PACRGL: variants seen among roughly 807,000 people sequenced by gnomAD.
PACRGL encodes parkin coregulated like, also known as PACRG-like protein.
PACRGL carries 38 observed loss-of-function variants against 34.5 expected under a neutral mutation model. That is an observed-to-expected ratio of 1.10 (90% CI 0.85 to 1.44). The LOEUF is 1.44. Among genes scored for constraint, PACRGL ranks in the 40% most tolerant of loss-of-function variants. The pLI is 0.00. For synonymous variants in PACRGL, 128 were observed against 100.1 expected (o/e 1.28, Z -1.66); for missense variants, 305 against 281.4 (o/e 1.08, Z -0.60).
chr4:20,744,625 G>C (rs1751999083), intron 8 of PACRGL, among the ~76,000 whole-genome samples: 1 of 151,978 alleles, frequency 6.6e-6, no homozygotes, highest in Non-Finnish European at 1.5e-5. Context: ...TGAGGGGTCA[G>C]GGGGATGGGG....
intron 8 of PACRGL, among the ~76,000 whole-genome samples, chr4:20,752,064 T>TG (rs1753746847): frequency 7.0e-6 from 1 of 143,608 alleles, no homozygotes; most frequent in South Asian, 2.3e-4. Context: ...AGTTTTTTTT[T>TG]TTTTTTTTTT....
At chr4:20,716,288 A>C (rs141003893) in intron 7 of PACRGL, 1 of 610,018 alleles carries the variant, frequency 1.6e-6, no homozygotes, top group Non-Finnish European at 2.9e-6. Flanking sequence ...GAGACCAGTC[A>C]TGGAGTTTTC....
At chr4:20,737,492 G>A (rs1578440470), downstream of PACRGL, among the ~76,000 whole-genome samples, 1 of 152,054 alleles carries the variant, frequency 6.6e-6, no homozygotes, top group South Asian at 2.1e-4. Flanking sequence ...TCCAGAACAT[G>A]GGTAGATGGG....
rs561288802 is a variant in PACRGL at position 20,729,906 on chromosome 4, A to G, written c.*2565A>G. On this transcript the variant is annotated 3_prime_UTR_variant, in exon 9 of 9. Coordinates refer to ENST00000503585, the MANE Select transcript of PACRGL (RefSeq NM_001258345.3). ...TCAGTGGCATTATGAAAAGGATGCA[A>G]ATTTATAACTGAAAGCTCAAATCTT... The G allele has an allele frequency of 2.5e-5, 16 of 643,476 alleles. No homozygotes were observed. The highest frequency in any genetic ancestry group is 1.3e-4 in the East Asian group (4 of 31,150). 39.9% of individuals were successfully genotyped at this position (643,476 alleles called of 1,614,324 possible). A position where few individuals can be genotyped will look rare whatever the true frequency, so the allele number is the denominator to read the frequency against.
At position 20,732,119 on chromosome 4, in the gene PACRGL, T is replaced by C; in HGVS notation, c.*4778T>C. 1 of 1,268,070 alleles carries C rather than the reference T, an allele frequency of 7.9e-7. No individual in the cohort carries two copies. The highest frequency in any genetic ancestry group is 1.5e-5 in the African/African-American group (1 of 68,070). The allele number at this position is 1,268,070 out of a possible 1,614,324, so 78.6% of individuals were successfully genotyped here. A position where few individuals can be genotyped will look rare whatever the true frequency, so the allele number is the denominator to read the frequency against. On this transcript the variant is annotated 3_prime_UTR_variant, in exon 9 of 9. Transcript: ENST00000503585. Reference sequence around the variant, plus strand: ...TATTTAGACTTATCCCTTAATACCCTCACACCTGGACCAAATGAGCTGAAG... The same window carrying C: ...TATTTAGACTTATCCCTTAATACCCCCACACCTGGACCAAATGAGCTGAAG...
intron 7 of PACRGL, among the ~76,000 whole-genome samples, chr4:20,715,664 T>C (rs1031316428): frequency 4.6e-5 from 7 of 151,984 alleles, no homozygotes. Flanking sequence ...CTCAGGAGTT[T>C]GAGACCAGCC....
At chr4:20,713,081 C>G in intron 6 of PACRGL, 159 bp downstream of exon 6, 1 of 740,054 alleles carries the variant, frequency 1.4e-6, no homozygotes, top group Non-Finnish European at 2.0e-6. Flanking sequence ...GCAACTGTTA[C>G]TCAGGGCCAG....
At chr4:20,727,121 A>G (rs1282732271) in intron 8 of PACRGL, among the ~76,000 whole-genome samples, 164 bp from the exon 9 acceptor site, 9 of 152,204 alleles carry the variant, frequency 5.9e-5, no homozygotes, top group Non-Finnish European at 1.3e-4. Context: ...GAAACAGCCT[A>G]TATTTTATTT....
intron 8 of PACRGL, among the ~76,000 whole-genome samples, chr4:20,741,334 C>T (rs1419873591): frequency 6.6e-6 from 1 of 152,220 alleles, no homozygotes. Flanking sequence ...AAGCACTCCT[C>T]AGCAAATGTA....
chr4:20,758,967 ACTGT>A, the PACRGL span: 13 of 1,102,960 alleles, frequency 1.2e-5, no homozygotes, highest in East Asian at 2.4e-5. Flanking sequence ...TTGAAACAGA[ACTGT>A]CTACCATGCA....
At chr4:20,744,120 C>G (rs1212177417) in intron 8 of PACRGL, among the ~76,000 whole-genome samples, 1 of 152,048 alleles carries the variant, frequency 6.6e-6, no homozygotes, top group African/African-American at 2.4e-5. Flanking sequence ...ACAACAGATG[C>G]TGGAGAGGAT....
chr4:20,732,799 G>C (rs1324064710), downstream of PACRGL: 5 of 1,494,780 alleles, frequency 3.3e-6, no homozygotes, highest in Non-Finnish European at 4.7e-6. Context: ...AAAAATAAAA[G>C]GCACTCACGT....
chr4:20,718,522 TGA>T (rs764723139), intron 7 of PACRGL, among the ~76,000 whole-genome samples: 47 of 152,206 alleles, frequency 3.1e-4, no homozygotes, highest in Non-Finnish European at 5.6e-4. Context: ...CCTAATCTAT[TGA>T]GAGTTTTTAG....
At chr4:20,709,078 G>A (rs150095939) in intron 4 of PACRGL, among the ~76,000 whole-genome samples, 2,083 of 152,276 alleles carry the variant, frequency 0.014, 24 homozygotes, top group Middle Eastern at 0.027. Flanking sequence ...GGCGGAGGTT[G>A]CGGTGAGCCA....
chr4:20,742,289 CCTG>C (rs1439588118), intron 8 of PACRGL, among the ~76,000 whole-genome samples: 3 of 152,132 alleles, frequency 2.0e-5, no homozygotes, highest in Admixed American at 6.5e-5. Context: ...GACCAATATC[CCTG>C]CTGAACATCG....
chr4:20,732,550 A>G lies in PACRGL; in HGVS notation c.*5209A>G, dbSNP rs2149265228. ...AAACCAAAGCTATTAAATTAATAGG[A>G]TGCTAAATACTGTTTTGTTTCAGTA... is the stretch of plus-strand genomic sequence containing the variant. On this transcript the variant is annotated 3_prime_UTR_variant, in exon 9 of 9. Transcript: ENST00000503585. The G allele has an allele frequency of 1.3e-5, 9 of 672,664 alleles. No homozygotes were observed. Among genetic ancestry groups the G allele is most frequent in the South Asian group, 1.3e-4 (8 of 59,918 alleles). 41.7% of individuals were successfully genotyped at this position (672,664 alleles called of 1,614,324 possible).
At chr4:20,764,924 C>T in the PACRGL span, among the ~76,000 whole-genome samples, 1 of 152,152 alleles carries the variant, frequency 6.6e-6, no homozygotes, top group Non-Finnish European at 1.5e-5. Flanking sequence ...CAACTCCATT[C>T]CTTCTTATGC....
intron 7 of PACRGL, among the ~76,000 whole-genome samples, chr4:20,716,693 A>G (rs1280588422): frequency 2.6e-5 from 4 of 152,164 alleles, no homozygotes; most frequent in Admixed American, 2.6e-4. Flanking sequence ...ATAGTATTCC[A>G]TGGTGTATAT....
At chr4:20,722,126 G>A (rs111772661) in intron 7 of PACRGL, among the ~76,000 whole-genome samples, 2 of 152,152 alleles carry the variant, frequency 1.3e-5, no homozygotes, top group Non-Finnish European at 2.9e-5. Context: ...CTCTGAGCCA[G>A]GCACAGGATA....
Sources: gnomAD v4.1 joint callset for allele counts (sites outside exome capture counted in the v4.1 genomes callset) on GRCh38, gnomAD v4.1.1 for gene constraint, MANE v1.5 for transcripts, NCBI Gene and HGNC (gene_info 2026-07-23, HGNC 2026-07-21) for gene names.